STARD9: variants seen among roughly 807,000 people sequenced by gnomAD.
STARD9 encodes the protein StAR related lipid transfer domain containing 9.
STARD9 carries 346 observed loss-of-function variants against 399.8 expected under a neutral mutation model. The observed-to-expected ratio is 0.87, with a 90% CI of 0.79 to 0.95. The LOEUF (loss-of-function observed/expected upper bound fraction) is 0.95. Among genes scored for constraint, STARD9 ranks in the 40% least tolerant of loss-of-function variants. The probability of loss-of-function intolerance (pLI) is 0.00; values close to 1 mark genes in which losing one functional copy is unlikely to be tolerated. For synonymous variants in STARD9, 2,203 were observed against 2,143.5 expected (o/e 1.03, Z -0.77); for missense variants, 5,832 against 5,667.5 (o/e 1.03, Z -0.93).
intron 3 of STARD9, among the ~76,000 whole-genome samples, chr15:42,608,696 C>T (rs1350043332): frequency 1.3e-5 from 2 of 152,094 alleles, no homozygotes; most frequent in African/African-American, 2.4e-5. Flanking sequence ...TGACAGGACC[C>T]AATACCAAAA....
In STARD9 at chr15:42,689,045, G is replaced by A. The variant is rs2060627729; in HGVS notation, c.7467G>A (p.Arg2489=). ...LNKVSSQPEK[R]VSFSLEEDSD... is the part of the protein sequence containing the mutation. Reference sequence around the variant, plus strand: ...AGGTCTCTAGCCAGCCTGAAAAGAGGGTCAGCTTCTCCTTGGAAGAGGATA... The same window carrying A: ...AGGTCTCTAGCCAGCCTGAAAAGAGAGTCAGCTTCTCCTTGGAAGAGGATA... The change falls in exon 23 of 33, where the codon AGG becomes AGA. Residue 2489 remains arginine, a synonymous_variant. Coordinates refer to ENST00000290607, the MANE Select transcript of STARD9 (RefSeq NM_020759.3). 6.5e-7 allele frequency: 1 copy of A among 1,537,162 alleles called. No individual in the cohort carries two copies. The highest frequency in any genetic ancestry group is 2.0e-5 in the Admixed American group (1 of 50,978).
chr15:42,601,484 G>A (rs1211916225), intron 3 of STARD9, among the ~76,000 whole-genome samples: 2 of 150,826 alleles, frequency 1.3e-5, no homozygotes, highest in East Asian at 1.9e-4. Flanking sequence ...GCGGCGGCCG[G>A]GCGGGGGCTG....
At position 42,681,385 on chromosome 15, in the gene STARD9, A is replaced by G. The variant is rs973467746; in HGVS notation, c.1875-37A>G. 14 of 1,520,972 alleles carry G rather than the reference A, an allele frequency of 9.2e-6. No individual in the cohort carries two copies. The Admixed American group carries it at 1.8e-4, about 20-fold the overall frequency. 94.2% of individuals were successfully genotyped at this position (1,520,972 alleles called of 1,614,324 possible). Reference sequence around the variant, plus strand: ...TCAGTTTGTCCTGAGCTTGGTTTGCATTTCCCCTTGGGTAACCTCAGCCGC... The same window carrying G: ...TCAGTTTGTCCTGAGCTTGGTTTGCGTTTCCCCTTGGGTAACCTCAGCCGC... On this transcript the variant is annotated intron_variant, in intron 20 of 32. Coordinates refer to ENST00000290607, the MANE Select transcript of STARD9 (RefSeq NM_020759.3).
chr15:42,665,737 T>C, intron 14 of STARD9, 49 bp from the exon 15 acceptor site: 1 of 1,484,492 alleles, frequency 6.7e-7, no homozygotes. Flanking sequence ...GGGACCTACC[T>C]GAAGTTCAGA....
In STARD9 at chr15:42,688,085, C is replaced by T; in HGVS notation, c.6507C>T (p.His2169=). ...RESEPVREHT[H]PAGSDRPARD... ...GTGAACCTGTGAGAGAGCACACCCA[C>T]CCAGCTGGATCGGACAGACCTGCCA... Residue 2169 remains histidine (H), a synonymous_variant, in exon 23 of 33, where the codon CAC becomes CAT. Coordinates refer to ENST00000290607, the MANE Select transcript of STARD9 (RefSeq NM_020759.3). 1 of 1,537,376 alleles carries T rather than the reference C, an allele frequency of 6.5e-7. No individual in the cohort carries two copies. The highest frequency in any genetic ancestry group is 8.7e-7 in the Non-Finnish European group (1 of 1,146,964).
intron 3 of STARD9, among the ~76,000 whole-genome samples, chr15:42,610,154 T>G (rs1273495608): frequency 6.6e-6 from 1 of 152,198 alleles, no homozygotes; most frequent in Non-Finnish European, 1.5e-5. Flanking sequence ...TGTGATCATT[T>G]ACGTAAAAGC....
In STARD9 at chr15:42,693,731, G is replaced by A; in HGVS notation, c.12153G>A (p.Gln4051=). ...HCPLSGREPS[Q]WQSRTENGGE... is the part of the protein sequence containing the mutation. Reference sequence around the variant, plus strand: ...CACTGAGCGGTAGGGAGCCAAGTCAGTGGCAGAGCAGGACAGAAAATGGAG... The same window carrying A: ...CACTGAGCGGTAGGGAGCCAAGTCAATGGCAGAGCAGGACAGAAAATGGAG... Residue 4051 remains glutamine (Q), a synonymous_variant, in exon 23 of 33, where the codon CAG becomes CAA. Coordinates refer to ENST00000290607, the MANE Select transcript of STARD9 (RefSeq NM_020759.3). 6.5e-7 allele frequency: 1 copy of A among 1,536,946 alleles called. No individual in the cohort carries two copies. The highest frequency in any genetic ancestry group is 8.7e-7 in the Non-Finnish European group (1 of 1,146,914).
intron 1 of STARD9, among the ~76,000 whole-genome samples, chr15:42,577,644 A>G (rs941757321): frequency 6.6e-6 from 1 of 152,236 alleles, no homozygotes; most frequent in Non-Finnish European, 1.5e-5. Context: ...GTAGATACCC[A>G]GGTGTGAACA....
intron 3 of STARD9, among the ~76,000 whole-genome samples, chr15:42,610,704 G>A (rs1257365773): frequency 2.0e-5 from 3 of 152,004 alleles, no homozygotes; most frequent in Non-Finnish European, 4.4e-5. Flanking sequence ...CCGCCACCAC[G>A]CCCGACTTAT....
At chr15:42,631,457 G>T (rs2059330445) in intron 3 of STARD9, among the ~76,000 whole-genome samples, 1 of 151,992 alleles carries the variant, frequency 6.6e-6, no homozygotes, top group Non-Finnish European at 1.5e-5. Context: ...GTGTGCGCCG[G>T]TAGTCTCAGC....
At chr15:42,619,740 C>T (rs2059048411) in intron 3 of STARD9, among the ~76,000 whole-genome samples, 1 of 152,148 alleles carries the variant, frequency 6.6e-6, no homozygotes, top group African/African-American at 2.4e-5. Context: ...TTACTTGCTC[C>T]TCGCCTGCCT....
At chr15:42,678,865 T>C (rs2060366094) in intron 20 of STARD9, among the ~76,000 whole-genome samples, 1 of 152,248 alleles carries the variant, frequency 6.6e-6, no homozygotes, top group Non-Finnish European at 1.5e-5. Flanking sequence ...ACCTGCTTTC[T>C]GGGAACTTGA....
rs577571893 is a variant in STARD9 at position 42,684,938 on chromosome 15, G to A, written c.3360G>A (p.Leu1120=). ...TCTCATGTGTCTATGCCAAAGCCCT[G>A]ATAGAGCCACTGAAGCCAGAGGAGA... is the stretch of plus-strand genomic sequence containing the variant. ...DSLSCVYAKA[L]IEPLKPEERK... Residue 1120 remains leucine, a synonymous_variant, in exon 23 of 33, where the codon CTG becomes CTA. Transcript: ENST00000290607. 1.7e-5 allele frequency: 26 copies of A among 1,537,050 alleles called. No homozygotes were observed. In the African/African-American group the frequency reaches 3.4e-4, roughly 20 times the overall value.
At chr15:42,714,952 T>G in intron 26 of STARD9, among the ~76,000 whole-genome samples, 1 of 152,228 alleles carries the variant, frequency 6.6e-6, no homozygotes, top group Non-Finnish European at 1.5e-5. Context: ...TTTTGGATAT[T>G]TATTTTTGTA....
In STARD9 at chr15:42,689,281, T is replaced by G. The variant is rs919686850; in HGVS notation, c.7703T>G (p.Phe2568Cys). 2 of 1,537,236 alleles carry G rather than the reference T, an allele frequency of 1.3e-6. No individual in the cohort carries two copies. Among genetic ancestry groups the G allele is most frequent in the Non-Finnish European group, 1.7e-6 (2 of 1,146,896 alleles). The change falls in exon 23 of 33, where the codon TTT becomes TGT. Residue 2568 changes from phenylalanine to cysteine, a missense_variant. By Grantham distance (205) the Phe-to-Cys change is radical. Transcript: ENST00000290607. ...GCCCAGAGAAAGCAGCTTCATGACTTTGTGGCCAGGGGCACAGTCCTTTCT... is the reference window on the plus strand; with the variant it reads ...GCCCAGAGAAAGCAGCTTCATGACTGTGTGGCCAGGGGCACAGTCCTTTCT... ...AKAQRKQLHD[F>C]VARGTVLSYC... is the part of the protein sequence containing the mutation.
intron 26 of STARD9, among the ~76,000 whole-genome samples, chr15:42,703,165 A>C (rs1005590508): frequency 5.3e-5 from 8 of 152,162 alleles, no homozygotes; most frequent in African/African-American, 1.9e-4. Flanking sequence ...TTTGATTATT[A>C]TATGCCGTGG....
At chr15:42,661,776 C>A (rs1362209905) in intron 10 of STARD9, among the ~76,000 whole-genome samples, 2 of 152,076 alleles carry the variant, frequency 1.3e-5, no homozygotes, top group Non-Finnish European at 2.9e-5. Flanking sequence ...CCTTTTAAAA[C>A]TCCCCATACC....
In STARD9 at chr15:42,689,635, C is replaced by T. The variant is rs1354619556; in HGVS notation, c.8057C>T (p.Ala2686Val). 3.3e-6 allele frequency: 5 copies of T among 1,537,386 alleles called. No individual in the cohort carries two copies. Among genetic ancestry groups the T allele is most frequent in the East Asian group, 2.4e-5 (1 of 40,926 alleles). ...KRRTGELRQF[A>V]GASEPFICHS... is the part of the protein sequence containing the mutation. The stretch of plus-strand genomic sequence containing the variant: ...CGTACTGGAGAACTGAGGCAGTTCG[C>T]GGGAGCAAGTGAACCATTTATATGT... The change falls in exon 23 of 33, where the codon GCG becomes GTG. Residue 2686 changes from alanine to valine, a missense_variant. This residue lies in a region of STARD9 where 5,828 missense variants were observed against 5,651.1 expected (regional missense o/e 1.03). Transcript: ENST00000290607.
intron 15 of STARD9, among the ~76,000 whole-genome samples, chr15:42,666,824 A>AT (rs564756186): frequency 2.0e-5 from 3 of 151,876 alleles, no homozygotes; most frequent in Admixed American, 1.3e-4. Context: ...TATTAATTTT[A>AT]TTTTTTTTGA....
Sources: gnomAD v4.1 joint callset for allele counts (sites outside exome capture counted in the v4.1 genomes callset) on GRCh38, gnomAD v4.1.1 for gene constraint, gnomAD v4.1.1 regional missense constraint, MANE v1.5 for transcripts, NCBI Gene and HGNC (gene_info 2026-07-23, HGNC 2026-07-21) for gene names.